Variants in TNNT1 observed in about 807,000 individuals in gnomAD.
TNNT1 encodes the protein troponin T1, slow skeletal type.
Under a neutral mutation model 50.6 loss-of-function variants are expected in TNNT1, and 53 were observed. The ratio of observed to expected loss-of-function variants is 1.05; its 90% confidence interval spans 0.84 to 1.32. The LOEUF is 1.32. TNNT1 is among the 40% of genes most tolerant of loss of function. The pLI is 0.00. For synonymous variants in TNNT1, 142 were observed against 138.0 expected (o/e 1.03, Z -0.20); for missense variants, 348 against 381.7 (o/e 0.91, Z 0.74).
intron 4 of TNNT1, 78 bp downstream of exon 4, chr19:55,146,603 T>TACC: frequency 8.9e-7 from 1 of 1,118,380 alleles, no homozygotes; most frequent in Non-Finnish European, 1.2e-6. Flanking sequence ...GGGAGCCCCA[T>TACC]CCCGCCCCCT....
chr19:55,149,067 T>G, intron 1 of TNNT1, 94 bp downstream of exon 1: 2 of 447,980 alleles, frequency 4.5e-6, no homozygotes, highest in Non-Finnish European at 9.0e-6. Context: ...CTCTGCACCA[T>G]TTCTCCACAC....
intron 9 of TNNT1, among the ~76,000 whole-genome samples, 181 bp from the exon 10 acceptor site, chr19:55,138,255 A>C (rs2085389646): frequency 6.7e-6 from 1 of 149,280 alleles, no homozygotes; most frequent in Non-Finnish European, 1.5e-5. Context: ...TCCCCGTGTG[A>C]CCACCTACAA....
chr19:55,145,401 GGGAGGAGGA>G (rs549817331), intron 6 of TNNT1, 134 bp downstream of exon 6: 3 of 727,190 alleles, frequency 4.1e-6, no homozygotes, highest in Non-Finnish European at 7.4e-6. Context: ...GAAAGGGGGA[GGGAGGAGGA>G]GGAGGAGGAG....
chr19:55,139,935 C>T (rs1342749755), intron 9 of TNNT1, among the ~76,000 whole-genome samples: 3 of 150,408 alleles, frequency 2.0e-5, no homozygotes, highest in Non-Finnish European at 4.4e-5. Flanking sequence ...CCAGCCTGAA[C>T]CAACATGGAG....
At chr19:55,134,816 G>A (rs1252182323) in intron 11 of TNNT1, among the ~76,000 whole-genome samples, 1 of 69,566 alleles carries the variant, frequency 1.4e-5, no homozygotes, top group Non-Finnish European at 2.8e-5. Context: ...GACGAGGGGA[G>A]GGGAGGGGAG....
intron 1 of TNNT1, among the ~76,000 whole-genome samples, chr19:55,147,567 G>T (rs2085594059): frequency 4.7e-5 from 6 of 128,768 alleles, no homozygotes; most frequent in Non-Finnish European, 6.6e-5. Flanking sequence ...CTGGGGGCCG[G>T]ATTCCTGGGT....
At chr19:55,145,513 G>A in intron 6 of TNNT1, 31 bp downstream of exon 6, 2 of 1,612,710 alleles carry the variant, frequency 1.2e-6, no homozygotes, top group South Asian at 1.1e-5. Context: ...GAAGATGTAT[G>A]ACTGGGGCCC....
intron 13 of TNNT1, among the ~76,000 whole-genome samples, chr19:55,133,365 G>A (rs1020379415): frequency 4.0e-5 from 6 of 151,764 alleles, no homozygotes; most frequent in African/African-American, 1.5e-4. Flanking sequence ...AAGAGGGAGT[G>A]GAGAAACAGA....
chr19:55,142,281 T>G (rs988624317), intron 6 of TNNT1, among the ~76,000 whole-genome samples: 6 of 150,718 alleles, frequency 4.0e-5, no homozygotes, highest in Admixed American at 3.9e-4. Context: ...CCACCAAGCC[T>G]GGCTAATTTT....
At chr19:55,149,047 C>T in intron 1 of TNNT1, 114 bp downstream of exon 1, 1 of 423,514 alleles carries the variant, frequency 2.4e-6, no homozygotes, top group Non-Finnish European at 4.8e-6. Context: ...CAGTTGTATG[C>T]CCCACCTACC....
In TNNT1 at chr19:55,140,938, GCT is replaced by G. The variant is rs1035018447; in HGVS notation, c.330_331del (p.Arg110SerfsTer9). The stretch of plus-strand genomic sequence containing the variant: ...CTCAGTTCTGAAGCGCTGTTGCTCG[GCT>G]CTCTCTGACCGGCGCCGCTCCTGGG... On this transcript the variant is annotated frameshift_variant, in exon 9 of 14. Transcript: ENST00000588981. LOFTEE classifies it high-confidence loss of function. 2 of 1,613,716 alleles carry G rather than the reference GCT, an allele frequency of 1.2e-6. No individual in the cohort carries two copies. The highest frequency in any genetic ancestry group is 2.7e-5 in the African/African-American group (2 of 74,884).
intron 8 of TNNT1, 111 bp downstream of exon 8, chr19:55,141,075 G>T: frequency 6.7e-7 from 1 of 1,489,300 alleles, no homozygotes; most frequent in Non-Finnish European, 9.4e-7. Context: ...ATTCGCGAAA[G>T]CCTAAGGCTC....
At chr19:55,146,879 G>GGA in intron 3 of TNNT1, 129 bp downstream of exon 3, 1 of 1,322,982 alleles carries the variant, frequency 7.6e-7, no homozygotes, top group Non-Finnish European at 1.0e-6. Context: ...CTCCAGACCC[G>GGA]GAGAGGGCGG....
At chr19:55,134,517 C>A (rs1053714369) in intron 11 of TNNT1, among the ~76,000 whole-genome samples, 1 of 149,092 alleles carries the variant, frequency 6.7e-6, no homozygotes, top group East Asian at 2.0e-4. Context: ...GAGACCCCGT[C>A]TCTGCTAAAA....
chr19:55,137,368 C>T (rs1378108683), intron 10 of TNNT1, among the ~76,000 whole-genome samples, 156 bp from the exon 11 acceptor site: 1 of 152,040 alleles, frequency 6.6e-6, no homozygotes, highest in African/African-American at 2.4e-5. Context: ...GAGTCCAGCC[C>T]CACTCCCTCC....
intron 3 of TNNT1, 61 bp downstream of exon 3, chr19:55,146,947 C>A: frequency 1.3e-6 from 2 of 1,531,090 alleles, no homozygotes; most frequent in East Asian, 2.3e-5. Context: ...CTCCTCGCCT[C>A]CCCTCCCAAG....
Position 55,147,021 on chromosome 19 carries a change from C to T in TNNT1, c.33G>A (p.Glu11=). Residue 11 remains glutamate (E), a splice_region_variant and synonymous_variant, in exon 3 of 14, where the codon GAG becomes GAA. Transcript: ENST00000588981. MSDTEEQEYE[E]EQPEEEAAEE... is the part of the protein sequence containing the mutation. ...CTCCCTACTCACCTTCCGGCTGCTC[C>T]CTGCGGACGGGTGTGGGGAGAGAGG... 1 of 1,611,822 alleles carries T rather than the reference C, an allele frequency of 6.2e-7. No homozygotes were observed. The highest frequency in any genetic ancestry group is 1.1e-5 in the South Asian group (1 of 90,374).
chr19:55,145,134 A>G (rs1158911270), intron 6 of TNNT1, among the ~76,000 whole-genome samples: 3 of 79,216 alleles, frequency 3.8e-5, no homozygotes, highest in Admixed American at 1.4e-4. Flanking sequence ...TCTCTACAAA[A>G]AGAAAAAAAA....
At chr19:55,136,385 C>G (rs2085346303) in intron 11 of TNNT1, among the ~76,000 whole-genome samples, 1 of 152,180 alleles carries the variant, frequency 6.6e-6, no homozygotes, top group Admixed American at 6.5e-5. Flanking sequence ...CCGGGCCCAG[C>G]CTGTAATTAT....
Sources: allele counts gnomAD v4.1 joint callset (sites outside exome capture counted in the v4.1 genomes callset), GRCh38; gene constraint gnomAD v4.1.1; transcripts MANE v1.5; gene names NCBI Gene and HGNC (gene_info 2026-07-23, HGNC 2026-07-21).